MAN1A2: variants seen among roughly 807,000 people sequenced by gnomAD.
MAN1A2 encodes the protein mannosyl-oligosaccharide 1,2-alpha-mannosidase IB.
Under a neutral mutation model 75.7 loss-of-function variants are expected in MAN1A2, and 26 were observed. That is an observed-to-expected ratio of 0.34 (90% CI 0.25 to 0.48). MAN1A2 has a LOEUF of 0.48. Ranked by LOEUF, MAN1A2 falls within the 20% of genes least tolerant of loss-of-function variation. MAN1A2 has a pLI of 0.99. For synonymous variants in MAN1A2, 247 were observed against 264.6 expected, an observed-to-expected ratio of 0.93 and a Z score of 0.65; for missense variants, 562 against 775.5, an observed-to-expected ratio of 0.72 and a Z score of 3.27.
Position 117,395,057 on chromosome 1 carries a change from G to A in MAN1A2, c.303-7129G>A, listed in dbSNP as rs537514198. On this transcript the variant is annotated intron_variant, in intron 1 of 12. Transcript: ENST00000356554. ...CCAAACATGATTCAAGAGCCACAGC[G>A]GCTTAAGCAAGATAGAAGTTAATTT... is the stretch of plus-strand genomic sequence containing the variant. 2.1e-4 allele frequency among the ~76,000 whole-genome samples: 32 copies of A among 152,232 alleles called. No individual in the cohort carries two copies. In the East Asian group the frequency reaches 4.8e-3, roughly 23 times the overall value.
chr1:117,408,203 C>G (rs928938904), intron 3 of MAN1A2, among the ~76,000 whole-genome samples: 2 of 151,346 alleles, frequency 1.3e-5, no homozygotes, highest in African/African-American at 4.9e-5. Context: ...CGCCTGGGGC[C>G]AGGAGTCCAA....
At chr1:117,453,728 A>G (rs532360108) in intron 6 of MAN1A2, among the ~76,000 whole-genome samples, 1 of 152,222 alleles carries the variant, frequency 6.6e-6, no homozygotes, top group Admixed American at 6.5e-5. Context: ...TGATGCAGCC[A>G]GTGTCAGGAT....
chr1:117,385,534 C>T (rs1327194391), intron 1 of MAN1A2, among the ~76,000 whole-genome samples: 1 of 152,034 alleles, frequency 6.6e-6, no homozygotes, highest in Non-Finnish European at 1.5e-5. Context: ...CTATTTTTCA[C>T]GGATGTTGTG....
At chr1:117,374,513 TA>T (rs930173928) in intron 1 of MAN1A2, among the ~76,000 whole-genome samples, 15 of 149,260 alleles carry the variant, frequency 1.0e-4, no homozygotes, top group South Asian at 2.1e-4. Context: ...GATTTGTCAT[TA>T]AAAAAAAAAT....
intron 1 of MAN1A2, among the ~76,000 whole-genome samples, chr1:117,399,012 T>C (rs1647320647): frequency 6.6e-6 from 1 of 152,132 alleles, no homozygotes; most frequent in African/African-American, 2.4e-5. Flanking sequence ...AGCCTCCTTA[T>C]TGTGGTTCCA....
chr1:117,493,776 G>T (rs972806307), intron 9 of MAN1A2: 1 of 151,982 alleles, frequency 6.6e-6, no homozygotes, highest in South Asian at 2.1e-4. Flanking sequence ...GCGAGACTCC[G>T]TGTCAACAAT....
At chr1:117,488,706 A>G (rs753423055) in intron 8 of MAN1A2, among the ~76,000 whole-genome samples, 2 of 152,116 alleles carry the variant, frequency 1.3e-5, no homozygotes, top group Non-Finnish European at 2.9e-5. Flanking sequence ...ACTTAGCATT[A>G]AATTAAAAAA....
At chr1:117,399,100 A>G (rs1023338460) in intron 1 of MAN1A2, among the ~76,000 whole-genome samples, 3 of 152,176 alleles carry the variant, frequency 2.0e-5, no homozygotes, top group African/African-American at 7.2e-5. Flanking sequence ...AGGCAACTCT[A>G]TTGCAGAACT....
At chr1:117,456,737 G>A (rs1026784999) in intron 6 of MAN1A2, among the ~76,000 whole-genome samples, 7 of 151,824 alleles carry the variant, frequency 4.6e-5, no homozygotes, top group African/African-American at 1.4e-4. Context: ...CTTTCATTCA[G>A]AATACCTTCC....
intron 1 of MAN1A2, among the ~76,000 whole-genome samples, chr1:117,389,696 G>A (rs1653656657): frequency 6.6e-6 from 1 of 151,912 alleles, no homozygotes; most frequent in Non-Finnish European, 1.5e-5. Flanking sequence ...GTCTTATAAG[G>A]TTTATACCTT....
chr1:117,462,083 ATAGT>A (rs1439876296), intron 7 of MAN1A2, among the ~76,000 whole-genome samples: 1 of 152,166 alleles, frequency 6.6e-6, no homozygotes, highest in African/African-American at 2.4e-5. Flanking sequence ...GTGGATTATA[ATAGT>A]TAATTCCAGG....
chr1:117,380,026 G>A (rs931264208), intron 1 of MAN1A2, among the ~76,000 whole-genome samples: 5 of 152,100 alleles, frequency 3.3e-5, no homozygotes, highest in Non-Finnish European at 1.5e-5. Flanking sequence ...TTACAGGGTC[G>A]TATGATAATT....
At chr1:117,478,611 A>C (rs1303752785) in intron 8 of MAN1A2, among the ~76,000 whole-genome samples, 1 of 151,836 alleles carries the variant, frequency 6.6e-6, no homozygotes, top group Non-Finnish European at 1.5e-5. Flanking sequence ...TAGGGATCAA[A>C]GTTTATTTTT....
In MAN1A2 at chr1:117,525,017, A is replaced by T. The variant is rs917910364; in HGVS notation, c.*2060A>T. The stretch of plus-strand genomic sequence containing the variant: ...GATGCAGAGCAGCAGTGCAGATGGC[A>T]ATGAACTCTCTGAATTCTCTTTTAC... On this transcript the variant is annotated 3_prime_UTR_variant, in exon 13 of 13. Transcript: ENST00000356554. 5 of 464,280 alleles carry T rather than the reference A, an allele frequency of 1.1e-5. No individual in the cohort carries two copies. In the East Asian group the frequency reaches 3.3e-4, roughly 31 times the overall value. 28.8% of individuals were successfully genotyped at this position (464,280 alleles called of 1,614,324 possible). A position where few individuals can be genotyped will look rare whatever the true frequency, so the allele number is the denominator to read the frequency against.
intron 5 of MAN1A2, among the ~76,000 whole-genome samples, chr1:117,420,997 A>G (rs1382907293): frequency 6.6e-6 from 1 of 152,122 alleles, no homozygotes; most frequent in Non-Finnish European, 1.5e-5. Flanking sequence ...GAAAGAATTA[A>G]TATGGATCCT....
chr1:117,428,210 G>A (rs1648443510), intron 5 of MAN1A2, among the ~76,000 whole-genome samples: 1 of 151,812 alleles, frequency 6.6e-6, no homozygotes, highest in South Asian at 2.1e-4. Context: ...AACCTCCTGG[G>A]CTTAAGTGAT....
intron 8 of MAN1A2, among the ~76,000 whole-genome samples, chr1:117,478,259 C>T (rs1287632231): frequency 6.6e-6 from 1 of 151,902 alleles, no homozygotes; most frequent in Non-Finnish European, 1.5e-5. Flanking sequence ...AATCTCTTGT[C>T]TACTGCCTAT....
intron 6 of MAN1A2, among the ~76,000 whole-genome samples, chr1:117,445,150 T>C (rs1226372794): frequency 6.6e-6 from 1 of 152,172 alleles, no homozygotes; most frequent in Admixed American, 6.5e-5. Flanking sequence ...CTTTATTCTT[T>C]TAATATGGTA....
chr1:117,435,983 G>C (rs1239445092), intron 5 of MAN1A2, among the ~76,000 whole-genome samples: 3 of 152,104 alleles, frequency 2.0e-5, no homozygotes, highest in Non-Finnish European at 4.4e-5. Flanking sequence ...ACTTGAACCT[G>C]GGAGGTGGAG....
Sources: allele counts gnomAD v4.1 joint callset (sites outside exome capture counted in the v4.1 genomes callset), GRCh38; gene constraint gnomAD v4.1.1; transcripts MANE v1.5; gene names NCBI Gene and HGNC (gene_info 2026-07-23, HGNC 2026-07-21).